LRRC36: variants seen among roughly 807,000 people sequenced by gnomAD.
LRRC36 encodes leucine-rich repeat-containing protein 36.
Under a neutral mutation model 81.1 loss-of-function variants are expected in LRRC36, and 62 were observed. The observed-to-expected ratio is 0.76, with a 90% CI of 0.62 to 0.94. The LOEUF is 0.94. Among genes scored for constraint, LRRC36 ranks in the 40% least tolerant of loss-of-function variants. The pLI, the probability that LRRC36 is intolerant of heterozygous loss-of-function variation, is 0.00. For missense variants in LRRC36, 761 were observed against 881.7 expected (o/e 0.86, Z 1.73); for synonymous variants, 334 against 348.6 (o/e 0.96, Z 0.47).
chr16:67,341,052 T>A (rs1448275090), intron 1 of LRRC36, among the ~76,000 whole-genome samples: 4 of 119,616 alleles, frequency 3.3e-5, no homozygotes, highest in East Asian at 2.5e-4. Context: ...GAATATGTAC[T>A]CTACATATTC....
intron 1 of LRRC36, among the ~76,000 whole-genome samples, chr16:67,331,177 G>T (rs1025150486): frequency 4.0e-5 from 6 of 151,548 alleles, no homozygotes; most frequent in African/African-American, 1.5e-4. Flanking sequence ...CATGATAACA[G>T]CATGAAGCCA....
At chr16:67,360,304 C>T (rs1403503338) in intron 5 of LRRC36, among the ~76,000 whole-genome samples, 1 of 152,028 alleles carries the variant, frequency 6.6e-6, no homozygotes, top group Admixed American at 6.6e-5. Context: ...TGAGAGCACT[C>T]AGCAAGAAGT....
chr16:67,359,133 CAT>C (rs2039036610), intron 5 of LRRC36, among the ~76,000 whole-genome samples: 1 of 152,112 alleles, frequency 6.6e-6, no homozygotes, highest in Non-Finnish European at 1.5e-5. Flanking sequence ...AAAAGTTAAA[CAT>C]AGAGTTAAAT....
At chr16:67,328,262 C>T (rs577009360) in intron 1 of LRRC36, among the ~76,000 whole-genome samples, 3 of 152,240 alleles carry the variant, frequency 2.0e-5, no homozygotes, top group African/African-American at 7.2e-5. Context: ...ACTGTAATCC[C>T]AGCACTCTGG....
intron 5 of LRRC36, chr16:67,362,178 C>T (rs527514917): frequency 2.2e-6 from 1 of 452,954 alleles, no homozygotes; most frequent in African/African-American, 2.0e-5. Flanking sequence ...GTTTTTTCTT[C>T]CCGAGAAAGA....
At chr16:67,369,405 G>C (rs546699373) in intron 8 of LRRC36, among the ~76,000 whole-genome samples, 1 of 152,220 alleles carries the variant, frequency 6.6e-6, no homozygotes, top group African/African-American at 2.4e-5. Flanking sequence ...CTGATAGGGA[G>C]GGAGGGAGCC....
At chr16:67,374,304 T>A (rs1160222313) in intron 9 of LRRC36, among the ~76,000 whole-genome samples, 5 of 152,098 alleles carry the variant, frequency 3.3e-5, no homozygotes, top group South Asian at 2.1e-4. Context: ...ATACTATTTT[T>A]AAAATGTTCT....
chr16:67,358,191 C>G (rs1455158648), intron 5 of LRRC36, among the ~76,000 whole-genome samples: 1 of 144,228 alleles, frequency 6.9e-6, no homozygotes, highest in Non-Finnish European at 1.5e-5. Context: ...CAAGAGTGAT[C>G]CTGTATCTTG....
At chr16:67,360,987 G>A (rs8052852) in intron 5 of LRRC36, among the ~76,000 whole-genome samples, 32,056 of 152,130 alleles carry the variant, frequency 0.21, 7,132 homozygotes, top group African/African-American at 0.56. Context: ...GTTAATAAAT[G>A]TATTGATCAA....
intron 5 of LRRC36, among the ~76,000 whole-genome samples, chr16:67,356,790 A>T (rs2038923923): frequency 6.6e-6 from 1 of 152,182 alleles, no homozygotes; most frequent in South Asian, 2.1e-4. Flanking sequence ...TTAGTTGGGC[A>T]TTAAAATAGA....
chr16:67,373,448 C>G (rs999915196), intron 9 of LRRC36, among the ~76,000 whole-genome samples: 6 of 151,812 alleles, frequency 4.0e-5, no homozygotes, highest in African/African-American at 1.5e-4. Context: ...TGGCTCACAC[C>G]TGTAATCCCA....
chr16:67,338,136 A>G (rs962272992), intron 1 of LRRC36, among the ~76,000 whole-genome samples: 1 of 152,148 alleles, frequency 6.6e-6, no homozygotes, highest in African/African-American at 2.4e-5. Flanking sequence ...AATGTGGACT[A>G]TATCTACTAA....
At chr16:67,344,660 A>G (rs1338039369) in intron 2 of LRRC36, among the ~76,000 whole-genome samples, 1 of 152,174 alleles carries the variant, frequency 6.6e-6, no homozygotes, top group East Asian at 1.9e-4. Flanking sequence ...CTAATGGTGC[A>G]CTGCCCTGAG....
intron 12 of LRRC36, among the ~76,000 whole-genome samples, chr16:67,381,316 A>T (rs2040103562): frequency 6.6e-6 from 1 of 150,568 alleles, no homozygotes; most frequent in South Asian, 2.1e-4. Context: ...CCTCCTTATT[A>T]TTGCAGGTAA....
At chr16:67,340,329 A>G (rs1778710718) in intron 1 of LRRC36, among the ~76,000 whole-genome samples, 1 of 151,860 alleles carries the variant, frequency 6.6e-6, no homozygotes, top group Non-Finnish European at 1.5e-5. Flanking sequence ...TCTTACTGAC[A>G]ATTTTGAGAT....
At position 67,374,817 on chromosome 16, in the gene LRRC36, T is replaced by C. The variant is rs140511717; in HGVS notation, c.1495-430T>C. On this transcript the variant is annotated intron_variant, in intron 9 of 13. Transcript: ENST00000329956. ...TGCTACTCAAATCCAAACTGAAAGA[T>C]GAAATCATCTTTTTCACTTTTTAAA... is the stretch of plus-strand genomic sequence containing the variant. 1.7e-3 allele frequency among the ~76,000 whole-genome samples: 258 copies of C among 152,192 alleles called. 2 individuals are homozygous for C. The highest frequency in any genetic ancestry group is 6.0e-3 in the African/African-American group (251 of 41,536).
intron 9 of LRRC36, among the ~76,000 whole-genome samples, chr16:67,373,882 C>T (rs2039771169): frequency 6.6e-6 from 1 of 151,902 alleles, no homozygotes; most frequent in African/African-American, 2.4e-5. Flanking sequence ...CATGGTGGTG[C>T]ACACCTATTA....
intron 1 of LRRC36, among the ~76,000 whole-genome samples, chr16:67,340,097 G>A (rs762167202): frequency 4.0e-5 from 6 of 151,150 alleles, no homozygotes; most frequent in African/African-American, 7.3e-5. Flanking sequence ...AGCCAAGATC[G>A]CACCATTGCA....
intron 2 of LRRC36, among the ~76,000 whole-genome samples, chr16:67,342,892 T>C (rs956722410): frequency 1.3e-5 from 2 of 152,122 alleles, no homozygotes; most frequent in Non-Finnish European, 2.9e-5. Context: ...GGATATTTGT[T>C]CAACAACACA....
Sources: gnomAD v4.1 joint callset for allele counts (sites outside exome capture counted in the v4.1 genomes callset) on GRCh38, gnomAD v4.1.1 for gene constraint, MANE v1.5 for transcripts, NCBI Gene and HGNC (gene_info 2026-07-23, HGNC 2026-07-21) for gene names.